Variants in BLOC1S2 observed in about 807,000 individuals in gnomAD.
The protein encoded by BLOC1S2 is biogenesis of lysosome-related organelles complex 1 subunit 2.
In BLOC1S2, 12 loss-of-function variants were observed where a neutral mutation model predicts 19.6. The ratio of observed to expected loss-of-function variants is 0.61; its 90% confidence interval spans 0.39 to 0.99. BLOC1S2 has a LOEUF of 0.99. BLOC1S2 is among the 50% of genes least tolerant of loss of function. The pLI, the probability that BLOC1S2 is intolerant of heterozygous loss-of-function variation, is 0.00. For synonymous variants in BLOC1S2, 66 were observed against 64.1 expected, an observed-to-expected ratio of 1.03 and a Z score of -0.14; for missense variants, 142 against 171.0, an observed-to-expected ratio of 0.83 and a Z score of 0.95.
At chr10:100,276,847 C>T (rs866225124) in intron 4 of BLOC1S2, among the ~76,000 whole-genome samples, 7 of 152,022 alleles carry the variant, frequency 4.6e-5, no homozygotes. Flanking sequence ...GATCTCGGCT[C>T]GCTATGGCCT....
chr10:100,286,591 T>C lies in BLOC1S2; in HGVS notation c.55+14A>G. 6.2e-7 allele frequency: 1 copy of C among 1,612,418 alleles called. No homozygotes were observed. The highest frequency in any genetic ancestry group is 8.5e-7 in the Non-Finnish European group (1 of 1,179,104). Reference sequence around the variant, plus strand: ...CCCCCCACCGGACGCTTCCTCCCCATCCATTCCGGGTACCTCGGGCGGGCT... The same window carrying C: ...CCCCCCACCGGACGCTTCCTCCCCACCCATTCCGGGTACCTCGGGCGGGCT... On this transcript the variant is annotated intron_variant, in intron 1 of 4. Transcript: ENST00000370372.
At chr10:100,277,373 G>C (rs1296568300) in intron 4 of BLOC1S2, among the ~76,000 whole-genome samples, 1 of 150,904 alleles carries the variant, frequency 6.6e-6, no homozygotes, top group African/African-American at 2.4e-5. Context: ...CGTCCGGGAG[G>C]TGAGGGGCGC....
chr10:100,285,976 C>A, intron 2 of BLOC1S2, 121 bp downstream of exon 2: 1 of 1,374,182 alleles, frequency 7.3e-7, no homozygotes, highest in Non-Finnish European at 9.9e-7. Context: ...CCTCCCCCAA[C>A]TTCCAACAGG....
At chr10:100,284,150 T>C (rs1353982770) in intron 2 of BLOC1S2, among the ~76,000 whole-genome samples, 1 of 152,232 alleles carries the variant, frequency 6.6e-6, no homozygotes. Flanking sequence ...TCAATGGCAC[T>C]TGACACTAGT....
At chr10:100,281,693 A>AATAT (rs1554910962) in intron 2 of BLOC1S2, among the ~76,000 whole-genome samples, 1,957 of 138,846 alleles carry the variant, frequency 0.014, 79 homozygotes, top group African/African-American at 0.051. Context: ...AAAAAAAAAA[A>AATAT]ATATATATAT....
At chr10:100,275,605 T>A in intron 4 of BLOC1S2, 112 bp from the exon 5 acceptor site, 1 of 939,392 alleles carries the variant, frequency 1.1e-6, no homozygotes, top group Non-Finnish European at 1.6e-6. Context: ...ACTAAAAATC[T>A]ATTAGCTTCA....
At chr10:100,285,270 T>C (rs1333576609) in intron 2 of BLOC1S2, among the ~76,000 whole-genome samples, 1 of 152,190 alleles carries the variant, frequency 6.6e-6, no homozygotes, top group East Asian at 1.9e-4. Flanking sequence ...CTCATTTTTT[T>C]TGAGATGGAG....
At chr10:100,280,011 GAAGATT>G (rs768665053) in intron 4 of BLOC1S2, 107 bp downstream of exon 4, 1 of 585,636 alleles carries the variant, frequency 1.7e-6, no homozygotes, top group Non-Finnish European at 2.8e-6. Flanking sequence ...AAGGTTTTGT[GAAGATT>G]AATAGATCAC....
intron 4 of BLOC1S2, among the ~76,000 whole-genome samples, chr10:100,279,103 C>T (rs957975705): frequency 6.7e-6 from 1 of 150,086 alleles, no homozygotes; most frequent in East Asian, 1.9e-4. Context: ...AAAAAAAAAA[C>T]AAAACAACAA....
intron 4 of BLOC1S2, among the ~76,000 whole-genome samples, chr10:100,278,351 A>C (rs1770113426): frequency 1.3e-5 from 2 of 152,180 alleles, no homozygotes; most frequent in Admixed American, 1.3e-4. Flanking sequence ...GCTCATTGAG[A>C]ATGGGCCATG....
In BLOC1S2 at chr10:100,280,020, T is replaced by C. The variant is rs796859198; in HGVS notation, c.397+104A>G. 4 of 661,268 alleles carry C rather than the reference T, an allele frequency of 6.0e-6. No individual in the cohort carries two copies. In the African/African-American group the frequency reaches 7.4e-5, roughly 12 times the overall value. 41.0% of individuals were successfully genotyped at this position (661,268 alleles called of 1,614,324 possible). A position where few individuals can be genotyped will look rare whatever the true frequency, so the allele number is the denominator to read the frequency against. On this transcript the variant is annotated intron_variant, in intron 4 of 4. Transcript: ENST00000370372. ...ATTACTAAGGTTTTGTGAAGATTAA[T>C]AGATCACTGTAGGCACACCATAAAT...
chr10:100,286,426 C>A, intron 1 of BLOC1S2, 179 bp downstream of exon 1: 6 of 1,466,264 alleles, frequency 4.1e-6, no homozygotes, highest in Non-Finnish European at 5.4e-6. Flanking sequence ...CCGGCACCCC[C>A]GCTCATCCTG....
chr10:100,286,348 G>C lies in BLOC1S2; in HGVS notation c.56-135C>G. 3 of 1,466,132 alleles carry C rather than the reference G, an allele frequency of 2.0e-6. No homozygotes were observed. The South Asian group carries it at 4.2e-5, about 20-fold the overall frequency. 90.8% of individuals were successfully genotyped at this position (1,466,132 alleles called of 1,614,324 possible). ...CATTCTCCATCTGCCATAATTTCAA[G>C]TCCTTCACTGCGTCCCTGCCCATCT... is the stretch of plus-strand genomic sequence containing the variant. On this transcript the variant is annotated intron_variant, in intron 1 of 4. Transcript: ENST00000370372.
At position 100,275,353 on chromosome 10, in the gene BLOC1S2, T is replaced by C; in HGVS notation, c.*109A>G. On this transcript the variant is annotated 3_prime_UTR_variant, in exon 5 of 5. Transcript: ENST00000370372. The stretch of plus-strand genomic sequence containing the variant: ...TGAGATGTTCCTGTGATGACCAGCA[T>C]AATTTCCTTTTGAGGAATTTTCACA... 3 of 1,159,134 alleles carry C rather than the reference T, an allele frequency of 2.6e-6. No homozygotes were observed. The highest frequency in any genetic ancestry group is 1.5e-5 in the African/African-American group (1 of 64,854). 71.8% of individuals were successfully genotyped at this position (1,159,134 alleles called of 1,614,324 possible). A position where few individuals can be genotyped will look rare whatever the true frequency, so the allele number is the denominator to read the frequency against.
rs1161519229 is a variant in BLOC1S2 at position 100,283,085 on chromosome 10, A to G, written c.173-2032T>C. The G allele has an allele frequency of 1.5e-5, 6 of 396,432 alleles. No individual in the cohort carries two copies. The East Asian group carries it at 1.8e-4, about 12-fold the overall frequency. 24.6% of individuals were successfully genotyped at this position (396,432 alleles called of 1,614,324 possible). A position where few individuals can be genotyped will look rare whatever the true frequency, so the allele number is the denominator to read the frequency against. ...AAGCAGCCAACCCAAAACTGAAAAC[A>G]TTTTCACACTAAACATGGTTCCTCT... is the stretch of plus-strand genomic sequence containing the variant. On this transcript the variant is annotated intron_variant, in intron 2 of 4. Coordinates refer to ENST00000370372, the MANE Select transcript of BLOC1S2 (RefSeq NM_173809.5).
intron 4 of BLOC1S2, among the ~76,000 whole-genome samples, chr10:100,277,554 T>TG (rs1242025220): frequency 1.2e-4 from 8 of 65,190 alleles, no homozygotes; most frequent in South Asian, 5.8e-4. Context: ...GGGAGGGAGG[T>TG]GGGGGGGTCA....
At position 100,279,818 on chromosome 10, in the gene BLOC1S2, T is replaced by C. The variant is rs922819808; in HGVS notation, c.397+306A>G. Among the ~76,000 whole-genome samples, 4 of 151,780 alleles carry C rather than the reference T, an allele frequency of 2.6e-5. No individual in the cohort carries two copies. The East Asian group carries it at 7.7e-4, about 29-fold the overall frequency. On this transcript the variant is annotated intron_variant, in intron 4 of 4. Coordinates refer to ENST00000370372, the MANE Select transcript of BLOC1S2 (RefSeq NM_173809.5). ...TGAACCCAGACCCAGGAGGCGGAGG[T>C]TGCGGTGAGCCGAGATCGCACCATT...
At chr10:100,278,042 C>G (rs534969296) in intron 4 of BLOC1S2, among the ~76,000 whole-genome samples, 3 of 137,678 alleles carry the variant, frequency 2.2e-5, no homozygotes, top group East Asian at 2.3e-4. Context: ...CCAGCCGCCC[C>G]GTCCGGGAGG....
Position 100,280,187 on chromosome 10 carries a change from C to T in BLOC1S2, c.334G>A (p.Glu112Lys). The T allele has an allele frequency of 6.2e-7, 1 of 1,613,228 alleles. No homozygotes were observed. The highest frequency in any genetic ancestry group is 8.5e-7 in the Non-Finnish European group (1 of 1,179,476). ...QPYLDQINVI[E>K]EQVAALEQAA... is the part of the protein sequence containing the mutation. ...TGCTCAAGAGCTGCTACCTGCTCTT[C>T]AATGACATTGATCTGATCCAGATAA... Residue 112 changes from glutamate to lysine, a missense_variant, in exon 4 of 5, where the codon GAA (glutamate) becomes AAA (lysine). Glu to Lys is a moderately conservative substitution (Grantham distance 56). Around this residue, in one of 2 missense-constraint regions of BLOC1S2, gnomAD observed 94 missense variants for 141.3 expected, o/e 0.67. Transcript: ENST00000370372.
Sources: allele counts gnomAD v4.1 joint callset (sites outside exome capture counted in the v4.1 genomes callset), GRCh38; gene constraint gnomAD v4.1.1; regional missense constraint gnomAD v4.1.1; transcripts MANE v1.5; gene names NCBI Gene and HGNC (gene_info 2026-07-23, HGNC 2026-07-21).